IL22RA2: variants seen among roughly 807,000 people sequenced by gnomAD.
IL22RA2 encodes interleukin-22 receptor subunit alpha-2.
IL22RA2 carries 39 observed loss-of-function variants against 30.7 expected under a neutral mutation model. That is an observed-to-expected ratio of 1.27 (90% CI 0.98 to 1.66). The LOEUF is 1.66. Ranked by LOEUF, IL22RA2 falls within the 40% of genes most tolerant of loss-of-function variation. IL22RA2 has a pLI of 0.00. For missense variants in IL22RA2, 315 were observed against 312.7 expected (o/e 1.01, Z -0.05); for synonymous variants, 103 against 105.0 (o/e 0.98, Z 0.11).
In IL22RA2 at chr6:137,147,754, G is replaced by A. The variant is rs184626014; in HGVS notation, c.610C>T (p.Arg204Ter). The change falls in exon 6 of 7, where the codon CGA (arginine) becomes TGA (stop). Residue 204 changes from arginine (R) to a stop codon, truncating the protein, a stop_gained. Transcript: ENST00000296980. LOFTEE classifies it low-confidence loss of function (END_TRUNC). ...SIEDYYELLY[R>*]VFIINNSLEK... ...AGTGAATTGTTAATTATAAAAACTC[G>A]GTATAGTAGTTCATAGTAATCTTCT... 8.6e-5 allele frequency: 136 copies of A among 1,575,998 alleles called. No individual in the cohort carries two copies. The East Asian group carries it at 9.6e-4, about 11-fold the overall frequency.
At position 137,145,322 on chromosome 6, in the gene IL22RA2, GA is replaced by G. The variant is rs1447497052; in HGVS notation, c.*301del. ...AAATTTTTATTTTGCTGTATTAGAAGAATGAAGGTTGTTATTAGGGATGTTA... is the reference window on the plus strand; with the variant it reads ...AAATTTTTATTTTGCTGTATTAGAAGATGAAGGTTGTTATTAGGGATGTTA... On this transcript the variant is annotated 3_prime_UTR_variant, in exon 7 of 7. Transcript: ENST00000296980. The G allele has an allele frequency of 1.8e-5, 4 of 221,640 alleles. No homozygotes were observed. The highest frequency in any genetic ancestry group is 3.5e-5 in the Non-Finnish European group (4 of 114,366). 13.7% of individuals were successfully genotyped at this position (221,640 alleles called of 1,614,324 possible).
chr6:137,169,965 A>G, intron 1 of IL22RA2, among the ~76,000 whole-genome samples: 1 of 152,162 alleles, frequency 6.6e-6, no homozygotes, highest in South Asian at 2.1e-4. Context: ...ACCCGAGTTC[A>G]CTCTTTGGAG....
intron 4 of IL22RA2, among the ~76,000 whole-genome samples, chr6:137,156,303 T>G (rs1051617963): frequency 1.3e-5 from 2 of 152,156 alleles, no homozygotes; most frequent in African/African-American, 4.8e-5. Context: ...CCCAAAATAT[T>G]TATTGAAAGA....
chr6:137,149,591 G>C (rs972271269), intron 5 of IL22RA2, among the ~76,000 whole-genome samples: 1 of 152,014 alleles, frequency 6.6e-6, no homozygotes, highest in Non-Finnish European at 1.5e-5. Flanking sequence ...AGCCAAATTC[G>C]GTCTCCTGTA....
chr6:137,165,749 A>G (rs1330772737), intron 1 of IL22RA2, among the ~76,000 whole-genome samples: 1 of 152,164 alleles, frequency 6.6e-6, no homozygotes, highest in Non-Finnish European at 1.5e-5. Context: ...TCTCCTTTAT[A>G]CCAGAAGGGC....
intron 4 of IL22RA2, 81 bp downstream of exon 4, chr6:137,156,678 A>T (rs942878263): frequency 6.4e-7 from 1 of 1,554,148 alleles, no homozygotes; most frequent in African/African-American, 1.4e-5. Context: ...TGGGGTCTGA[A>T]ATTTATACAA....
At position 137,148,558 on chromosome 6, in the gene IL22RA2, C is replaced by T. The variant is rs992888188; in HGVS notation, c.473-667G>A. 2.1e-4 allele frequency among the ~76,000 whole-genome samples: 32 copies of T among 152,324 alleles called. 1 individual carries two copies. Among genetic ancestry groups the T allele is most frequent in the Admixed American group, 4.6e-4 (7 of 15,302 alleles). On this transcript the variant is annotated intron_variant, in intron 5 of 6. Transcript: ENST00000296980. Reference sequence around the variant, plus strand: ...GCCTTCAGGGCAGCTGGGGCAGTCACTGTGTTGGTCTTCTGGTTCCCCTTT... The same window carrying T: ...GCCTTCAGGGCAGCTGGGGCAGTCATTGTGTTGGTCTTCTGGTTCCCCTTT...
At chr6:137,146,232 A>G (rs959364441) in intron 6 of IL22RA2, among the ~76,000 whole-genome samples, 2 of 152,066 alleles carry the variant, frequency 1.3e-5, no homozygotes, top group African/African-American at 4.8e-5. Context: ...GAGTTTCACC[A>G]TGTTGACCAG....
Position 137,145,714 on chromosome 6 carries a change from G to A in IL22RA2, c.702C>T (p.His234=), listed in dbSNP as rs1245900975. The part of the protein sequence containing the change: ...RAVEIEALTP[H]SSYCVVAEIY... Reference sequence around the variant, plus strand: ...TTTCAGCCACTACACAGTAGCTGGAGTGTGGTGTTAGAGCTTCAATTTCAA... The same window carrying A: ...TTTCAGCCACTACACAGTAGCTGGAATGTGGTGTTAGAGCTTCAATTTCAA... The change falls in exon 7 of 7, where the codon CAC becomes CAT. Residue 234 remains histidine (H), a synonymous_variant. Coordinates refer to ENST00000296980, the MANE Select transcript of IL22RA2 (RefSeq NM_052962.3). 2.5e-6 allele frequency: 4 copies of A among 1,613,456 alleles called. No homozygotes were observed. The Admixed American group carries it at 5.0e-5, about 20-fold the overall frequency.
intron 1 of IL22RA2, among the ~76,000 whole-genome samples, chr6:137,167,230 G>C (rs1452640460): frequency 1.3e-5 from 2 of 152,206 alleles, no homozygotes; most frequent in East Asian, 1.9e-4. Flanking sequence ...GTTCTGGAAA[G>C]TTGAAAGAAT....
chr6:137,154,842 G>T (rs1778364938), intron 5 of IL22RA2, 99 bp downstream of exon 5: 2 of 924,992 alleles, frequency 2.2e-6, no homozygotes, highest in South Asian at 2.8e-5. Flanking sequence ...TAATGATGTA[G>T]AGACCTCAGC....
chr6:137,163,050 T>G (rs1778552746), intron 1 of IL22RA2, among the ~76,000 whole-genome samples: 1 of 152,248 alleles, frequency 6.6e-6, no homozygotes, highest in Admixed American at 6.5e-5. Flanking sequence ...TTATCTATAC[T>G]TCCCAAATCC....
chr6:137,147,716 A>G lies in IL22RA2; in HGVS notation c.642+6T>C. ...ACTCTAAATATATCTATTCATCTGA[A>G]CTTACCTTTTCTAGTGAATTGTTAA... On this transcript the variant is annotated splice_donor_region_variant and intron_variant, in intron 6 of 6. Transcript: ENST00000296980. The G allele has an allele frequency of 1.3e-6, 2 of 1,524,982 alleles. No individual in the cohort carries two copies. Among genetic ancestry groups the G allele is most frequent in the Non-Finnish European group, 9.0e-7 (1 of 1,116,792 alleles). The allele number at this position is 1,524,982 out of a possible 1,614,324, so 94.5% of individuals were successfully genotyped here.
At chr6:137,154,682 G>T (rs545300396) in intron 5 of IL22RA2, among the ~76,000 whole-genome samples, 1 of 152,226 alleles carries the variant, frequency 6.6e-6, no homozygotes, top group African/African-American at 2.4e-5. Flanking sequence ...TCTGCAGTCA[G>T]ATATAGCAAA....
In IL22RA2 at chr6:137,155,054, A is replaced by C; in HGVS notation, c.359T>G (p.Leu120Arg). The change falls in exon 5 of 7, where the codon CTT becomes CGT. Residue 120 changes from leucine (L) to arginine (R), a missense_variant. Coordinates refer to ENST00000296980, the MANE Select transcript of IL22RA2 (RefSeq NM_052962.3). The stretch of plus-strand genomic sequence containing the variant: ...CTGTATGTCTGAGGTTTCACTGGTA[A>C]GGTCACAAGAGAGTTCTTGAGTACC... ...CWGTQELSCD[L>R]TSETSDIQEP... 1 of 1,613,654 alleles carries C rather than the reference A, an allele frequency of 6.2e-7. No individual in the cohort carries two copies. The highest frequency in any genetic ancestry group is 1.7e-5 in the Admixed American group (1 of 59,928).
chr6:137,155,149 T>A, intron 4 of IL22RA2, 30 bp from the exon 5 acceptor site: 1 of 1,489,172 alleles, frequency 6.7e-7, no homozygotes, highest in Non-Finnish European at 9.0e-7. Flanking sequence ...AAGATCTGAG[T>A]TTCTTTTCTC....
At chr6:137,149,158 C>A (rs754580228) in intron 5 of IL22RA2, among the ~76,000 whole-genome samples, 3 of 152,080 alleles carry the variant, frequency 2.0e-5, no homozygotes, top group Non-Finnish European at 4.4e-5. Flanking sequence ...GGGTGAAAGT[C>A]CCTCAATATC....
At chr6:137,149,221 A>G (rs933341565) in intron 5 of IL22RA2, among the ~76,000 whole-genome samples, 1 of 152,168 alleles carries the variant, frequency 6.6e-6, no homozygotes, top group African/African-American at 2.4e-5. Context: ...AGGCAATCCT[A>G]TCAATGTCCA....
intron 6 of IL22RA2, 146 bp from the exon 7 acceptor site, chr6:137,145,919 G>A (rs1321333889): frequency 4.7e-6 from 4 of 849,174 alleles, no homozygotes; most frequent in Non-Finnish European, 7.4e-6. Context: ...CTTTTCTAGA[G>A]TCCTAGGCCA....
Sources: allele counts gnomAD v4.1 joint callset (sites outside exome capture counted in the v4.1 genomes callset), GRCh38; gene constraint gnomAD v4.1.1; transcripts MANE v1.5; gene names NCBI Gene and HGNC (gene_info 2026-07-23, HGNC 2026-07-21).